DPP6: variants seen among roughly 807,000 people sequenced by gnomAD.
The protein encoded by DPP6 is dipeptidyl peptidase like 6, also known as A-type potassium channel modulatory protein DPP6.
Under a neutral mutation model 122.6 loss-of-function variants are expected in DPP6, and 69 were observed. The observed-to-expected ratio is 0.56, with a 90% CI of 0.46 to 0.69. The LOEUF is 0.69. Ranked by LOEUF, DPP6 falls within the 30% of genes least tolerant of loss-of-function variation. The probability of loss-of-function intolerance (pLI) is 0.00; values close to 1 mark genes in which losing one functional copy is unlikely to be tolerated. For missense variants in DPP6, 928 were observed against 1,116.9 expected (o/e 0.83, Z 2.41); for synonymous variants, 418 against 433.1 (o/e 0.97, Z 0.43).
chr7:154,643,531 C>T (rs62475160), intron 6 of DPP6, among the ~76,000 whole-genome samples: 89,621 of 146,770 alleles, frequency 0.61, 27,352 homozygotes, highest in East Asian at 0.81. Flanking sequence ...TGCAGTGATA[C>T]GATCTCAGCT....
intron 5 of DPP6, among the ~76,000 whole-genome samples, chr7:154,611,390 G>T (rs557602119): frequency 6.6e-6 from 1 of 152,114 alleles, no homozygotes; most frequent in South Asian, 2.1e-4. Flanking sequence ...ACAAAATAGT[G>T]GTTCAGCAAA....
At chr7:154,847,808 T>G (rs1802062088) in intron 16 of DPP6, among the ~76,000 whole-genome samples, 1 of 152,156 alleles carries the variant, frequency 6.6e-6, no homozygotes, top group Non-Finnish European at 1.5e-5. Context: ...GACCGATAAC[T>G]CCCTTTTCCC....
intron 1 of DPP6, among the ~76,000 whole-genome samples, chr7:154,250,409 G>T (rs1249838835): frequency 6.6e-6 from 1 of 152,238 alleles, no homozygotes; most frequent in Admixed American, 6.5e-5. Flanking sequence ...GAGGGCGTGT[G>T]GGTGCGTGCG....
intron 5 of DPP6, among the ~76,000 whole-genome samples, chr7:154,585,312 A>C (rs572196475): frequency 6.6e-6 from 1 of 152,264 alleles, no homozygotes; most frequent in Non-Finnish European, 1.5e-5. Context: ...AGGATAGACT[A>C]TGGAAGATGT....
chr7:154,464,261 C>T (rs1416271539), intron 2 of DPP6, among the ~76,000 whole-genome samples: 2 of 152,170 alleles, frequency 1.3e-5, no homozygotes, highest in Non-Finnish European at 2.9e-5. Flanking sequence ...AATGCAAAGT[C>T]CCACAGTCAC....
chr7:154,721,658 G>T (rs1313529733), intron 7 of DPP6, among the ~76,000 whole-genome samples: 1 of 152,140 alleles, frequency 6.6e-6, no homozygotes, highest in Non-Finnish European at 1.5e-5. Flanking sequence ...AGATAAGCTA[G>T]ACCTGATCAT....
intron 1 of DPP6, among the ~76,000 whole-genome samples, chr7:154,388,869 T>C (rs1354002930): frequency 6.6e-6 from 1 of 152,226 alleles, no homozygotes; most frequent in Non-Finnish European, 1.5e-5. Flanking sequence ...AGGTCTGAGA[T>C]AATTTAATAG....
chr7:154,742,683 A>T (rs1429453132), intron 8 of DPP6, among the ~76,000 whole-genome samples: 1 of 152,246 alleles, frequency 6.6e-6, no homozygotes, highest in African/African-American at 2.4e-5. Flanking sequence ...TGGTTGTCCC[A>T]CTGTCTCATC....
chr7:154,746,226 G>A lies in DPP6; in HGVS notation c.883+18339G>A, dbSNP rs572543495. Among the ~76,000 whole-genome samples the A allele has an allele frequency of 5.3e-5, 8 of 152,204 alleles. 1 individual carries two copies. Among genetic ancestry groups the A allele is most frequent in the African/African-American group, 1.7e-4 (7 of 41,530 alleles). On this transcript the variant is annotated intron_variant, in intron 8 of 25. Coordinates refer to ENST00000377770, the MANE Select transcript of DPP6 (RefSeq NM_130797.4). ...CCTCTGAGTTCCAAAGACACAACCT[G>A]GAAAAAGCACAAAAAGACTGTCTAC...
chr7:154,324,883 T>TTTTTTTTA (rs1358698802), intron 1 of DPP6, among the ~76,000 whole-genome samples: 1 of 147,744 alleles, frequency 6.8e-6, no homozygotes, highest in African/African-American at 2.5e-5. Flanking sequence ...TTTTTTTTTT[T>TTTTTTTTA]GAGTCTTGCT....
chr7:153,774,452 T>A, the DPP6 span, among the ~76,000 whole-genome samples: 317 of 152,324 alleles, frequency 2.1e-3, 1 homozygote, highest in African/African-American at 7.3e-3. Context: ...AATCGATATG[T>A]CAATCATGTG....
At chr7:154,516,184 T>A (rs1278852072) in intron 3 of DPP6, among the ~76,000 whole-genome samples, 1 of 152,052 alleles carries the variant, frequency 6.6e-6, no homozygotes, top group African/African-American at 2.4e-5. Flanking sequence ...AACTGCTCCA[T>A]AGCCTGACTT....
chr7:154,795,717 T>C, intron 11 of DPP6, 128 bp from the exon 12 acceptor site: 2 of 1,350,266 alleles, frequency 1.5e-6, no homozygotes, highest in South Asian at 2.7e-5. Flanking sequence ...TGTGCAATGC[T>C]TGTGCAGCGG....
intron 1 of DPP6, among the ~76,000 whole-genome samples, chr7:154,420,143 C>G (rs754843913): frequency 6.6e-6 from 1 of 152,154 alleles, no homozygotes; most frequent in Non-Finnish European, 1.5e-5. Flanking sequence ...TTGAGACTAG[C>G]CTGGCCAAAA....
At chr7:153,850,100 A>C in the DPP6 span, among the ~76,000 whole-genome samples, 1 of 152,076 alleles carries the variant, frequency 6.6e-6, no homozygotes, top group Admixed American at 6.5e-5. Flanking sequence ...TGCCAAACTT[A>C]TTGCCTTACA....
intron 10 of DPP6, among the ~76,000 whole-genome samples, chr7:154,786,458 A>C (rs1256802523): frequency 1.3e-5 from 2 of 152,128 alleles, no homozygotes; most frequent in Non-Finnish European, 2.9e-5. Flanking sequence ...TCATGGGGGC[A>C]GTTACTCCCA....
At chr7:154,759,142 G>A (rs1310245334) in intron 8 of DPP6, among the ~76,000 whole-genome samples, 2 of 152,168 alleles carry the variant, frequency 1.3e-5, no homozygotes, top group Non-Finnish European at 2.9e-5. Flanking sequence ...GCCCCCTGGT[G>A]CGAATTCACC....
At chr7:153,955,587 C>T (rs965032698) in intron 1 of DPP6, among the ~76,000 whole-genome samples, 4 of 151,976 alleles carry the variant, frequency 2.6e-5, no homozygotes, top group East Asian at 1.9e-4. Context: ...TACAGGCACC[C>T]GCCACCACGC....
chr7:153,819,077 C>CTTTTTTT, the DPP6 span, among the ~76,000 whole-genome samples: 16 of 99,772 alleles, frequency 1.6e-4, no homozygotes, highest in South Asian at 3.4e-4. Flanking sequence ...CTTTTCTTTT[C>CTTTTTTT]TTTTTTTTTT....
Sources: allele counts gnomAD v4.1 joint callset (sites outside exome capture counted in the v4.1 genomes callset), GRCh38; gene constraint gnomAD v4.1.1; transcripts MANE v1.5; gene names NCBI Gene and HGNC (gene_info 2026-07-23, HGNC 2026-07-21).